TBC1D30: variants seen among roughly 807,000 people sequenced by gnomAD.
TBC1D30 encodes TBC1 domain family member 30.
TBC1D30 carries 31 observed loss-of-function variants against 63.2 expected under a neutral mutation model. That is an observed-to-expected ratio of 0.49 (90% CI 0.37 to 0.66). TBC1D30 has a LOEUF of 0.66. Ranked by LOEUF, TBC1D30 falls within the 30% of genes least tolerant of loss-of-function variation. The probability of loss-of-function intolerance (pLI) is 0.00; values close to 1 mark genes in which losing one functional copy is unlikely to be tolerated. For missense variants in TBC1D30, 810 were observed against 953.6 expected, an observed-to-expected ratio of 0.85 and a Z score of 1.98; for synonymous variants, 307 against 361.5, an observed-to-expected ratio of 0.85 and a Z score of 1.71.
rs527566065 is a variant in TBC1D30, at chr12:64,870,038, C to T, written c.1292-564C>T. On this transcript the variant is annotated intron_variant, in intron 10 of 11. Transcript: ENST00000539867. ...TAGTTGTAGCTATCACAGGAGCAGA[C>T]ACCACATCCGATATAACAACAGAGT... 2.6e-5 allele frequency among the ~76,000 whole-genome samples: 4 copies of T among 152,250 alleles called. No homozygotes were observed. The South Asian group carries it at 8.3e-4, about 32-fold the overall frequency.
intron 1 of TBC1D30, among the ~76,000 whole-genome samples, chr12:64,772,151 C>T (rs569085183): frequency 2.0e-5 from 3 of 149,028 alleles, no homozygotes; most frequent in African/African-American, 7.4e-5. Flanking sequence ...GCAGGAGAAT[C>T]GCTTGAACCC....
intron 2 of TBC1D30, among the ~76,000 whole-genome samples, chr12:64,810,406 C>T (rs1873139596): frequency 6.6e-6 from 1 of 152,146 alleles, no homozygotes; most frequent in African/African-American, 2.4e-5. Flanking sequence ...AGTTTGAGGC[C>T]AGCCTGGCCA....
intron 10 of TBC1D30, among the ~76,000 whole-genome samples, chr12:64,869,596 T>C (rs1222090735): frequency 6.6e-6 from 1 of 152,222 alleles, no homozygotes; most frequent in African/African-American, 2.4e-5. Flanking sequence ...TGAATCTGCG[T>C]TTCTGTAGCC....
intron 8 of TBC1D30, among the ~76,000 whole-genome samples, chr12:64,863,529 G>A (rs1171146184): frequency 6.6e-6 from 1 of 152,214 alleles, no homozygotes; most frequent in Non-Finnish European, 1.5e-5. Flanking sequence ...GTGTAGCTTT[G>A]CACAGTAAGC....
intron 2 of TBC1D30, among the ~76,000 whole-genome samples, chr12:64,801,345 C>T (rs778050410): frequency 7.2e-5 from 11 of 152,070 alleles, no homozygotes; most frequent in Non-Finnish European, 1.6e-4. Flanking sequence ...TGTGTGCACA[C>T]ATGAAGCAGG....
chr12:64,760,390 C>T (rs1333651761), intron 1 of TBC1D30, among the ~76,000 whole-genome samples: 1 of 151,996 alleles, frequency 6.6e-6, no homozygotes, highest in East Asian at 1.9e-4. Context: ...GTGGGGAAAC[C>T]CCGTCTCTAC....
At chr12:64,823,799 A>C (rs939457799), upstream of TBC1D30, among the ~76,000 whole-genome samples, 1 of 152,116 alleles carries the variant, frequency 6.6e-6, no homozygotes, top group East Asian at 1.9e-4. Context: ...GTTTTTTAAA[A>C]ATTTAATTTG....
chr12:64,776,561 G>T (rs1212216768), upstream of TBC1D30, among the ~76,000 whole-genome samples: 4 of 152,062 alleles, frequency 2.6e-5, no homozygotes, highest in Non-Finnish European at 5.9e-5. Context: ...GAGCCAGGAA[G>T]AAATTCAGTC....
At chr12:64,812,799 G>A (rs1328906321) in intron 2 of TBC1D30, among the ~76,000 whole-genome samples, 2 of 151,316 alleles carry the variant, frequency 1.3e-5, no homozygotes, top group South Asian at 2.1e-4. Flanking sequence ...CAGTGGCTAC[G>A]GAGTAATTAA....
chr12:64,839,995 ACT>A (rs1314706604), intron 7 of TBC1D30, among the ~76,000 whole-genome samples: 1 of 101,604 alleles, frequency 9.8e-6, no homozygotes, highest in Non-Finnish European at 2.0e-5. Flanking sequence ...ACAGAGCAAG[ACT>A]CTGTCTCAAA....
chr12:64,864,875 G>A, intron 9 of TBC1D30, 95 bp downstream of exon 9: 7 of 834,514 alleles, frequency 8.4e-6, no homozygotes, highest in Non-Finnish European at 1.3e-5. Context: ...CCAGAGATAT[G>A]TTAAAGTAAG....
chr12:64,859,701 T>C (rs926032140), intron 8 of TBC1D30, among the ~76,000 whole-genome samples: 3 of 152,090 alleles, frequency 2.0e-5, no homozygotes, highest in Non-Finnish European at 4.4e-5. Context: ...GGGAGGAGGA[T>C]GGGTTCATTT....
rs774145443 is a variant in TBC1D30, at chr12:64,807,918, G to GTTTTTTTTTT, written c.644-19909_644-19900dup. ...GCCCATGCCACCCTGCCTAATTTAA[G>GTTTTTTTTTT]TTTTTTTTTTTTTTTTTGTAGAGCT... On this transcript the variant is annotated intron_variant, in intron 2 of 12. Coordinates refer to the TBC1D30 transcript ENST00000542120. 4.6e-3 allele frequency among the ~76,000 whole-genome samples: 427 copies of GTTTTTTTTTT among 93,492 alleles called. 78 individuals are homozygous for GTTTTTTTTTT. The highest frequency in any genetic ancestry group is 0.02 in the African/African-American group (354 of 18,116). The allele number at this position is 93,492 out of a possible 152,430, so 61.3% of individuals were successfully genotyped here.
intron 2 of TBC1D30, among the ~76,000 whole-genome samples, chr12:64,801,931 C>T (rs1489237231): frequency 1.3e-5 from 2 of 152,126 alleles, no homozygotes; most frequent in African/African-American, 4.8e-5. Context: ...GAGGTTTTCT[C>T]CTACCTGCTT....
chr12:64,780,635 G>A (rs1871217347), exon 1 of TBC1D30, among the ~76,000 whole-genome samples: 2 of 152,214 alleles, frequency 1.3e-5, no homozygotes, highest in Non-Finnish European at 2.9e-5. Flanking sequence ...GCGGAGGGGA[G>A]CGGCTCAGGT....
chr12:64,819,152 C>G (rs548222705), intron 2 of TBC1D30, among the ~76,000 whole-genome samples: 1 of 152,110 alleles, frequency 6.6e-6, no homozygotes. Flanking sequence ...TAACAAAATA[C>G]AAAAGCTACA....
intron 2 of TBC1D30, among the ~76,000 whole-genome samples, chr12:64,805,902 G>T (rs904866419): frequency 2.0e-5 from 3 of 152,100 alleles, no homozygotes; most frequent in Non-Finnish European, 2.9e-5. Context: ...ATAGTAAGGA[G>T]GATTAATCCT....
upstream of TBC1D30, chr12:64,779,156 C>G (rs1408673593): frequency 6.6e-6 from 1 of 152,110 alleles, no homozygotes; most frequent in African/African-American, 2.4e-5. Flanking sequence ...AATCACATCT[C>G]TTCTTAGGGG....
chr12:64,852,083 G>A (rs1876924446), intron 8 of TBC1D30, among the ~76,000 whole-genome samples: 1 of 152,164 alleles, frequency 6.6e-6, no homozygotes, highest in Admixed American at 6.5e-5. Context: ...GATTGGGGAA[G>A]TTCTCCTGGG....
Sources: gnomAD v4.1 joint callset for allele counts (sites outside exome capture counted in the v4.1 genomes callset) on GRCh38, gnomAD v4.1.1 for gene constraint, MANE v1.5 for transcripts, NCBI Gene and HGNC (gene_info 2026-07-23, HGNC 2026-07-21) for gene names.